PIP5K1A: variants seen among roughly 807,000 people sequenced by gnomAD.
The protein encoded by PIP5K1A is phosphatidylinositol 4-phosphate 5-kinase type-1 alpha.
PIP5K1A carries 46 observed loss-of-function variants against 72.9 expected under a neutral mutation model. That is an observed-to-expected ratio of 0.63 (90% CI 0.50 to 0.81). PIP5K1A has a LOEUF of 0.81. PIP5K1A is among the 30% of genes least tolerant of loss of function. The pLI is 0.00. For synonymous variants in PIP5K1A, 228 were observed against 255.1 expected, an observed-to-expected ratio of 0.89 and a Z score of 1.01; for missense variants, 458 against 706.1, an observed-to-expected ratio of 0.65 and a Z score of 3.98.
intron 1 of PIP5K1A, among the ~76,000 whole-genome samples, chr1:151,200,417 C>T (rs909472330): frequency 7.3e-4 from 3 of 4,108 alleles, no homozygotes; most frequent in African/African-American, 3.3e-3. Flanking sequence ...GTATGTGTGT[C>T]GGGTGGGGGG....
rs1052618181 is a variant in PIP5K1A, at chr1:151,211,592, C to T, written c.85+12511C>T. ...CGGGCAGATCACAAGGTCAGGAGAT[C>T]GAGACCATCCTGGCTAACATGGTGA... On this transcript the variant is annotated intron_variant, in intron 1 of 15. Transcript: ENST00000368888. 2.6e-5 allele frequency among the ~76,000 whole-genome samples: 4 copies of T among 151,604 alleles called. No individual in the cohort carries two copies. In the South Asian group the frequency reaches 6.3e-4, roughly 24 times the overall value.
chr1:151,223,079 A>C (rs948929544), intron 1 of PIP5K1A, among the ~76,000 whole-genome samples: 1 of 151,912 alleles, frequency 6.6e-6, no homozygotes, highest in Non-Finnish European at 1.5e-5. Context: ...AGCCAGGCGC[A>C]GTGGCTCACC....
chr1:151,230,486 C>G (rs587686106), intron 4 of PIP5K1A, among the ~76,000 whole-genome samples: 1 of 152,282 alleles, frequency 6.6e-6, no homozygotes, highest in South Asian at 2.1e-4. Flanking sequence ...GAATACTGCT[C>G]TCAGAAATAA....
At position 151,249,512 on chromosome 1, in the gene PIP5K1A, A is replaced by G. The variant is rs1370768408; in HGVS notation, c.*1647A>G. Reference sequence around the variant, plus strand: ...GTGATATATGGTTTTAATGTAATAAACTTTAATGAGTTATTTAGACCTCTT... The same window carrying G: ...GTGATATATGGTTTTAATGTAATAAGCTTTAATGAGTTATTTAGACCTCTT... On this transcript the variant is annotated 3_prime_UTR_variant, in exon 16 of 16. Coordinates refer to ENST00000368888, the MANE Select transcript of PIP5K1A (RefSeq NM_001135638.2). 1 of 152,062 alleles carries G rather than the reference A, an allele frequency of 6.6e-6. No individual in the cohort carries two copies. Among genetic ancestry groups the G allele is most frequent in the African/African-American group, 2.4e-5 (1 of 41,396 alleles). 9.4% of individuals were successfully genotyped at this position (152,062 alleles called of 1,614,324 possible).
At chr1:151,217,553 C>T (rs1687818620) in intron 1 of PIP5K1A, among the ~76,000 whole-genome samples, 1 of 152,026 alleles carries the variant, frequency 6.6e-6, no homozygotes. Context: ...TTCATTTTTT[C>T]AGAAGCATTT....
intron 9 of PIP5K1A, among the ~76,000 whole-genome samples, 198 bp from the exon 10 acceptor site, chr1:151,237,984 C>G (rs1032059131): frequency 1.1e-4 from 17 of 151,730 alleles, no homozygotes; most frequent in Non-Finnish European, 4.4e-5. Flanking sequence ...GTAGAGAGTT[C>G]CTGGGGTTAG....
rs915837897 is a variant in PIP5K1A, at chr1:151,234,609, G to C, written c.939+113G>C. On this transcript the variant is annotated intron_variant, in intron 8 of 15. Coordinates refer to ENST00000368888, the MANE Select transcript of PIP5K1A (RefSeq NM_001135638.2). The stretch of plus-strand genomic sequence containing the variant: ...TGTTCCTTAGCACTGTATGTCCTGG[G>C]CTGTATTTAAAATAAGTCTTAATTA... 52 of 786,236 alleles carry C rather than the reference G, an allele frequency of 6.6e-5. No homozygotes were observed. In the African/African-American group the frequency reaches 8.5e-4, roughly 13 times the overall value. The allele number at this position is 786,236 out of a possible 1,614,324, so 48.7% of individuals were successfully genotyped here. A position where few individuals can be genotyped will look rare whatever the true frequency, so the allele number is the denominator to read the frequency against.
chr1:151,220,805 C>CATCTAT (rs1482516173), intron 1 of PIP5K1A, among the ~76,000 whole-genome samples: 1 of 152,150 alleles, frequency 6.6e-6, no homozygotes, highest in Non-Finnish European at 1.5e-5. Context: ...GCCAATCTTG[C>CATCTAT]ATCTATACTT....
intron 1 of PIP5K1A, among the ~76,000 whole-genome samples, chr1:151,212,649 A>C (rs1570790833): frequency 6.6e-6 from 1 of 151,230 alleles, no homozygotes; most frequent in South Asian, 2.1e-4. Flanking sequence ...ATCTCTGCTT[A>C]CTGCAATCTC....
chr1:151,225,783 CT>C (rs1438226810), intron 3 of PIP5K1A, among the ~76,000 whole-genome samples: 60 of 143,202 alleles, frequency 4.2e-4, no homozygotes, highest in Admixed American at 2.8e-4. Context: ...TTTCTTTTTT[CT>C]TTTTTTTTTT....
At chr1:151,209,546 TCTC>T (rs1408256118) in intron 1 of PIP5K1A, among the ~76,000 whole-genome samples, 3 of 151,714 alleles carry the variant, frequency 2.0e-5, no homozygotes, top group Non-Finnish European at 4.4e-5. Flanking sequence ...TTCAAGCAAT[TCTC>T]CTGTCTCAGC....
intron 4 of PIP5K1A, 89 bp from the exon 5 acceptor site, chr1:151,231,582 G>C: frequency 8.7e-7 from 1 of 1,150,768 alleles, no homozygotes; most frequent in South Asian, 1.2e-5. Context: ...TTGTTTTAAA[G>C]TGTTCCTTCT....
At chr1:151,209,390 CCT>C (rs1686449639) in intron 1 of PIP5K1A, among the ~76,000 whole-genome samples, 1 of 151,808 alleles carries the variant, frequency 6.6e-6, no homozygotes, top group South Asian at 2.1e-4. Context: ...TCTGCCTTAG[CCT>C]CTCTAGTAGC....
chr1:151,228,170 A>G (rs1478711634), intron 4 of PIP5K1A, among the ~76,000 whole-genome samples: 1 of 151,918 alleles, frequency 6.6e-6, no homozygotes, highest in Non-Finnish European at 1.5e-5. Flanking sequence ...CAGGGTGTCA[A>G]TCTGTCACCC....
intron 14 of PIP5K1A, among the ~76,000 whole-genome samples, chr1:151,246,448 A>G (rs1692525771): frequency 1.3e-5 from 2 of 152,070 alleles, no homozygotes; most frequent in Admixed American, 1.3e-4. Flanking sequence ...ATAGCATAGG[A>G]GCTGGCTTTC....
At chr1:151,197,267 GT>G (rs201417006), upstream of PIP5K1A, among the ~76,000 whole-genome samples, 13 of 150,810 alleles carry the variant, frequency 8.6e-5, no homozygotes, top group African/African-American at 2.4e-4. Flanking sequence ...TACAAAACCT[GT>G]TTTTTTTGTT....
intron 1 of PIP5K1A, among the ~76,000 whole-genome samples, chr1:151,208,205 T>C (rs1443628768): frequency 6.6e-6 from 1 of 152,044 alleles, no homozygotes; most frequent in Non-Finnish European, 1.5e-5. Flanking sequence ...TTAGCTGAGG[T>C]GACCCCAGGA....
At chr1:151,224,325 GA>G (rs749570166) in intron 2 of PIP5K1A, 45 bp from the exon 3 acceptor site, 35 of 1,609,464 alleles carry the variant, frequency 2.2e-5, no homozygotes, top group Non-Finnish European at 2.8e-5. Flanking sequence ...TTAATTCTGG[GA>G]TAGAAGGAAC....
At position 151,242,542 on chromosome 1, in the gene PIP5K1A, G is replaced by A; in HGVS notation, c.1615G>A (p.Glu539Lys). 6.2e-7 allele frequency: 1 copy of A among 1,614,054 alleles called. No individual in the cohort carries two copies. The highest frequency in any genetic ancestry group is 8.5e-7 in the Non-Finnish European group (1 of 1,179,896). The change falls in exon 14 of 16, where the codon GAG becomes AAG. Residue 539 changes from glutamate to lysine, a missense_variant. By Grantham distance (56) the Glu-to-Lys change is moderately conservative. This residue lies in a region of PIP5K1A where 157 missense variants were observed against 175.5 expected (regional missense o/e 0.89). Transcript: ENST00000368888. Reference sequence around the variant, plus strand: ...CCCCAGTTTCTCACCTCTAGTTGGAGAGACTTTGCAAATGCTAACTACAAG... The same window carrying A: ...CCCCAGTTTCTCACCTCTAGTTGGAAAGACTTTGCAAATGCTAACTACAAG... ...PDPSFSPLVG[E>K]TLQMLTTSTT...
Sources: gnomAD v4.1 joint callset for allele counts (sites outside exome capture counted in the v4.1 genomes callset) on GRCh38, gnomAD v4.1.1 for gene constraint, gnomAD v4.1.1 regional missense constraint, MANE v1.5 for transcripts, NCBI Gene and HGNC (gene_info 2026-07-23, HGNC 2026-07-21) for gene names.